The following GRB10 variants were observed in gnomAD, a reference collection of about 807,000 sequenced individuals.
GRB10 encodes growth factor receptor bound protein 10.
GRB10 carries 20 observed loss-of-function variants against 80.9 expected under a neutral mutation model. The observed-to-expected ratio is 0.25, with a 90% CI of 0.17 to 0.36. The LOEUF (loss-of-function observed/expected upper bound fraction) is 0.36. Ranked by LOEUF, GRB10 falls within the 10% of genes least tolerant of loss-of-function variation. GRB10 has a pLI of 1.00. For missense variants in GRB10, 548 were observed against 747.7 expected (o/e 0.73, Z 3.12); for synonymous variants, 291 against 291.5 (o/e 1.00, Z 0.02).
At chr7:50,784,440 G>A (rs749721358), upstream of GRB10, among the ~76,000 whole-genome samples, 2 of 152,166 alleles carry the variant, frequency 1.3e-5, no homozygotes, top group Non-Finnish European at 2.9e-5. Context: ...CTGCCCAGCA[G>A]CTCCCAGCCT....
chr7:50,660,878 C>G (rs1032559268), intron 7 of GRB10, among the ~76,000 whole-genome samples: 4 of 152,226 alleles, frequency 2.6e-5, no homozygotes, highest in Non-Finnish European at 5.9e-5. Flanking sequence ...ACCCAACCCA[C>G]TGCAGCCAGC....
intron 7 of GRB10, among the ~76,000 whole-genome samples, chr7:50,649,250 C>T (rs772799728): frequency 5.9e-5 from 9 of 152,172 alleles, no homozygotes; most frequent in Non-Finnish European, 1.2e-4. Flanking sequence ...GTGAACAACA[C>T]GGAGACCACA....
chr7:50,675,492 A>G (rs1000805365), intron 5 of GRB10, among the ~76,000 whole-genome samples: 1 of 152,248 alleles, frequency 6.6e-6, no homozygotes, highest in African/African-American at 2.4e-5. Flanking sequence ...TGTAATTAAC[A>G]TTTAAACCAC....
intron 7 of GRB10, among the ~76,000 whole-genome samples, chr7:50,650,052 G>C (rs1318168026): frequency 6.6e-6 from 1 of 152,116 alleles, no homozygotes; most frequent in Non-Finnish European, 1.5e-5. Flanking sequence ...CACTAGAGTG[G>C]GGGAGGCTGA....
At chr7:50,607,844 C>A (rs1180577030) in intron 13 of GRB10, among the ~76,000 whole-genome samples, 1 of 152,190 alleles carries the variant, frequency 6.6e-6, no homozygotes, top group Non-Finnish European at 1.5e-5. Context: ...AACCTACACA[C>A]CCAAATCACA....
At chr7:50,724,759 G>C (rs1257141514) in intron 4 of GRB10, among the ~76,000 whole-genome samples, 1 of 152,216 alleles carries the variant, frequency 6.6e-6, no homozygotes, top group East Asian at 1.9e-4. Flanking sequence ...CAAACGCAGA[G>C]AGACGGAAGT....
chr7:50,753,223 C>T (rs1387480101), intron 3 of GRB10, among the ~76,000 whole-genome samples: 1 of 152,246 alleles, frequency 6.6e-6, no homozygotes, highest in African/African-American at 2.4e-5. Flanking sequence ...CAATAACTAG[C>T]TCTTCTCAGA....
intron 13 of GRB10, among the ~76,000 whole-genome samples, chr7:50,610,322 T>C (rs1022890037): frequency 4.6e-5 from 7 of 152,258 alleles, no homozygotes; most frequent in African/African-American, 1.7e-4. Flanking sequence ...ATCCTATGGC[T>C]ATTTGGGGCA....
chr7:50,654,748 C>CA (rs1462718083), intron 7 of GRB10, among the ~76,000 whole-genome samples: 4 of 152,148 alleles, frequency 2.6e-5, no homozygotes, highest in Admixed American at 6.5e-5. Context: ...ATCAAATTCC[C>CA]ATTCTCTTTC....
At chr7:50,721,309 C>T (rs2067694617) in intron 4 of GRB10, among the ~76,000 whole-genome samples, 1 of 152,194 alleles carries the variant, frequency 6.6e-6, no homozygotes, top group African/African-American at 2.4e-5. Context: ...CTTTGTCCTG[C>T]CCAGGATGCG....
At chr7:50,630,531 C>T (rs1342044728) in intron 7 of GRB10, among the ~76,000 whole-genome samples, 2 of 152,162 alleles carry the variant, frequency 1.3e-5, no homozygotes, top group African/African-American at 2.4e-5. Flanking sequence ...CTGTGGACAA[C>T]CACCGAAGGG....
chr7:50,711,643 C>T (rs1162169606), intron 4 of GRB10, among the ~76,000 whole-genome samples: 1 of 152,190 alleles, frequency 6.6e-6, no homozygotes, highest in Non-Finnish European at 1.5e-5. Context: ...CATCAGTTCC[C>T]TTCCAATGCC....
intron 5 of GRB10, among the ~76,000 whole-genome samples, chr7:50,695,957 T>G (rs192051671): frequency 2.3e-4 from 35 of 152,310 alleles, no homozygotes; most frequent in Admixed American, 5.2e-4. Context: ...TCTACAAAAT[T>G]GGGACCATAC....
At chr7:50,600,604 G>A (rs1053306581) in intron 17 of GRB10, among the ~76,000 whole-genome samples, 1 of 152,014 alleles carries the variant, frequency 6.6e-6, no homozygotes, top group African/African-American at 2.4e-5. Flanking sequence ...GGAGAGAGGG[G>A]GGAAAAGAAT....
At chr7:50,636,860 T>G (rs2055141480) in intron 7 of GRB10, among the ~76,000 whole-genome samples, 1 of 151,830 alleles carries the variant, frequency 6.6e-6, no homozygotes. Flanking sequence ...CTATTAAACG[T>G]AGCACTGGAA....
chr7:50,633,629 G>A (rs1465730177), intron 7 of GRB10, among the ~76,000 whole-genome samples: 2 of 151,942 alleles, frequency 1.3e-5, no homozygotes, highest in African/African-American at 4.8e-5. Flanking sequence ...AGAGCCAAGA[G>A]AAAGTTGAAA....
chr7:50,785,135 A>G (rs188655752), upstream of GRB10, among the ~76,000 whole-genome samples: 103 of 152,292 alleles, frequency 6.8e-4, no homozygotes, highest in African/African-American at 2.3e-3. Context: ...ACAGAACTGA[A>G]AGAGGCTCCT....
chr7:50,625,857 G>C (rs2052779042), intron 8 of GRB10, among the ~76,000 whole-genome samples: 1 of 152,158 alleles, frequency 6.6e-6, no homozygotes, highest in South Asian at 2.1e-4. Flanking sequence ...TTACCTGGAA[G>C]GATGCTACTC....
intron 4 of GRB10, among the ~76,000 whole-genome samples, chr7:50,720,801 C>A (rs1223753575): frequency 1.3e-5 from 2 of 151,694 alleles, no homozygotes; most frequent in Non-Finnish European, 2.9e-5. Context: ...AAAAAAGTTG[C>A]CGTTTCCTAA....
Sources: allele counts gnomAD v4.1 joint callset (sites outside exome capture counted in the v4.1 genomes callset), GRCh38; gene constraint gnomAD v4.1.1; transcripts MANE v1.5; gene names NCBI Gene and HGNC (gene_info 2026-07-23, HGNC 2026-07-21).